Variants in RYK observed in about 807,000 individuals in gnomAD.
The protein encoded by RYK is inactive tyrosine-protein kinase RYK.
In RYK, 21 loss-of-function variants were observed where a neutral mutation model predicts 70.2. The ratio of observed to expected loss-of-function variants is 0.30; its 90% CI spans 0.21 to 0.43. The LOEUF (loss-of-function observed/expected upper bound fraction) is 0.43. Among genes scored for constraint, RYK ranks in the 20% least tolerant of loss-of-function variants. The pLI, the probability that RYK is intolerant of heterozygous loss-of-function variation, is 1.00. For synonymous variants in RYK, 267 were observed against 278.0 expected, an observed-to-expected ratio of 0.96 and a Z score of 0.39; for missense variants, 604 against 753.3, an observed-to-expected ratio of 0.80 and a Z score of 2.32.
Position 134,215,814 on chromosome 3 carries a change from G to T in RYK, c.355-4207C>A, listed in dbSNP as rs542380491. 1.3e-3 allele frequency among the ~76,000 whole-genome samples: 205 copies of T among 152,240 alleles called. 1 individual carries two copies. Among genetic ancestry groups the T allele is most frequent in the African/African-American group, 4.7e-3 (194 of 41,536 alleles). The stretch of plus-strand genomic sequence containing the variant: ...GCATTCTGGGAGGTCAATGCAGGTG[G>T]ATCACTTGAGGCCAGGAGTTCAAGA... On this transcript the variant is annotated intron_variant, in intron 2 of 14. Coordinates refer to ENST00000623711, the MANE Select transcript of RYK (RefSeq NM_002958.4).
intron 7 of RYK, among the ~76,000 whole-genome samples, chr3:134,193,109 A>T (rs2013697412): frequency 6.6e-6 from 1 of 152,152 alleles, no homozygotes; most frequent in Non-Finnish European, 1.5e-5. Context: ...CCTTACGGTA[A>T]TGGCCATGAT....
At chr3:134,250,399 C>T in intron 1 of RYK, 24 bp downstream of exon 1, 2 of 1,359,356 alleles carry the variant, frequency 1.5e-6, no homozygotes, top group Non-Finnish European at 1.9e-6. Flanking sequence ...ACCTGCCCGC[C>T]CCGGCCTCGG....
intron 11 of RYK, among the ~76,000 whole-genome samples, chr3:134,176,389 T>C (rs889150290): frequency 4.6e-5 from 7 of 152,324 alleles, no homozygotes; most frequent in South Asian, 2.1e-4. Context: ...AATCTTTTTT[T>C]CCCCCAAACA....
chr3:134,193,135 T>C (rs1464679137), intron 7 of RYK, among the ~76,000 whole-genome samples: 1 of 152,192 alleles, frequency 6.6e-6, no homozygotes, highest in Non-Finnish European at 1.5e-5. Context: ...ACAAGTAAAT[T>C]TCTTATTGAT....
Position 134,177,948 on chromosome 3 carries a change from T to G in RYK, c.1298A>C (p.Asn433Thr), listed in dbSNP as rs1482941671. ...TGGGCAAATTTTTCTCACCTGTGGA[T>G]TATTGGCCTCTACTAACTTGCACTG... Reference protein sequence around the residue: ...LRQCKLVEANNPQAISQQDLV... With the variant: ...LRQCKLVEANTPQAISQQDLV... The change falls in exon 11 of 15, where the codon AAT becomes ACT. Residue 433 changes from asparagine (N) to threonine (T), a missense_variant. Physicochemically the swap from Asn to Thr is moderately conservative, Grantham distance 65 (BLOSUM62 0). Transcript: ENST00000623711. 6.2e-7 allele frequency: 1 copy of G among 1,609,416 alleles called. No homozygotes were observed. Among genetic ancestry groups the G allele is most frequent in the Admixed American group, 1.7e-5 (1 of 58,990 alleles).
rs2015594048 is a variant in RYK at position 134,250,626 on chromosome 3, G to GGCCGCCCCA, written c.20_28dup (p.Leu7_Arg9dup). ...GGCCCCCGGGAGGCAACTCCGGCCC[G>GGCCGCCCCA]GCCGCCCCAGCCGCGCCGCCCCACG... On this transcript the variant is annotated inframe_insertion, in exon 1 of 15. Transcript: ENST00000623711. The GGCCGCCCCA allele has an allele frequency of 1.0e-6, 1 of 991,144 alleles. No individual in the cohort carries two copies. Among genetic ancestry groups the GGCCGCCCCA allele is most frequent in the African/African-American group, 1.8e-5 (1 of 56,432 alleles). 61.4% of individuals were successfully genotyped at this position (991,144 alleles called of 1,614,324 possible).
intron 5 of RYK, 101 bp downstream of exon 5, chr3:134,207,371 T>G: frequency 1.6e-6 from 1 of 617,590 alleles, no homozygotes; most frequent in Admixed American, 3.6e-5. Flanking sequence ...GTCATTATCA[T>G]TTGATACCAT....
At chr3:134,176,141 C>A in intron 11 of RYK, 102 bp from the exon 12 acceptor site, 1 of 715,576 alleles carries the variant, frequency 1.4e-6, no homozygotes, top group Admixed American at 2.6e-5. Context: ...AAAAATACTG[C>A]TTTAAACCTA....
chr3:134,174,008 G>A (rs2013012001), intron 13 of RYK, among the ~76,000 whole-genome samples: 1 of 152,118 alleles, frequency 6.6e-6, no homozygotes. Flanking sequence ...GATCTTGAGA[G>A]GAAAAGTTTA....
intron 10 of RYK, 139 bp from the exon 11 acceptor site, chr3:134,178,212 T>C (rs1347988085): frequency 4.6e-6 from 3 of 650,432 alleles, no homozygotes; most frequent in Non-Finnish European, 7.5e-6. Context: ...TGTAAAATTA[T>C]AAGTGTTCTG....
At chr3:134,192,053 C>A in intron 7 of RYK, 79 bp from the exon 8 acceptor site, 1 of 1,351,376 alleles carries the variant, frequency 7.4e-7, no homozygotes, top group East Asian at 2.3e-5. Context: ...CAGTTAGAAC[C>A]TCAGGACTCA....
At chr3:134,166,191 T>A (rs987913858) in intron 13 of RYK, among the ~76,000 whole-genome samples, 6 of 152,286 alleles carry the variant, frequency 3.9e-5, no homozygotes, top group African/African-American at 1.4e-4. Context: ...GGTCAGGTCA[T>A]GAGAGTGCAG....
chr3:134,215,995 CA>C (rs1369028924), intron 2 of RYK, among the ~76,000 whole-genome samples: 14 of 141,568 alleles, frequency 9.9e-5, no homozygotes, highest in African/African-American at 3.7e-4. Context: ...AAGATCGCAC[CA>C]CTGCACGCCA....
intron 2 of RYK, among the ~76,000 whole-genome samples, chr3:134,218,232 T>C (rs1191427775): frequency 1.3e-5 from 2 of 152,176 alleles, no homozygotes; most frequent in Non-Finnish European, 2.9e-5. Flanking sequence ...AAGCCGCACA[T>C]CCCAACTCTG....
intron 1 of RYK, among the ~76,000 whole-genome samples, chr3:134,249,917 G>GGTTT (rs1172115107): frequency 4.3e-5 from 4 of 93,366 alleles, no homozygotes; most frequent in Non-Finnish European, 2.0e-5. Flanking sequence ...TTTCTCTCTC[G>GGTTT]TTTTTTTTTT....
chr3:134,207,256 C>T (rs142796604), intron 5 of RYK, among the ~76,000 whole-genome samples: 12 of 152,276 alleles, frequency 7.9e-5, no homozygotes, highest in African/African-American at 2.6e-4. Flanking sequence ...TTAGCTTACT[C>T]GTTACAAAAT....
chr3:134,193,245 G>A (rs188675480), intron 7 of RYK, among the ~76,000 whole-genome samples: 5 of 151,204 alleles, frequency 3.3e-5, no homozygotes, highest in African/African-American at 9.7e-5. Context: ...GTGCAGTGGC[G>A]TGATCTCAGC....
intron 1 of RYK, among the ~76,000 whole-genome samples, chr3:134,228,021 G>A (rs2014956232): frequency 6.6e-6 from 1 of 152,216 alleles, no homozygotes; most frequent in South Asian, 2.1e-4. Flanking sequence ...CAGGTACAGT[G>A]GCTCATGCCA....
At chr3:134,242,626 T>C (rs1196892463) in intron 1 of RYK, among the ~76,000 whole-genome samples, 1 of 152,222 alleles carries the variant, frequency 6.6e-6, no homozygotes, top group African/African-American at 2.4e-5. Context: ...GCAAGATTTT[T>C]CAGAACATTG....
Sources: allele counts gnomAD v4.1 joint callset (sites outside exome capture counted in the v4.1 genomes callset), GRCh38; gene constraint gnomAD v4.1.1; transcripts MANE v1.5; gene names NCBI Gene and HGNC (gene_info 2026-07-23, HGNC 2026-07-21).